The following CSMD3 variants were observed in gnomAD, a reference collection of about 807,000 sequenced individuals.
CSMD3 encodes CUB and Sushi multiple domains 3.
In CSMD3, 177 loss-of-function variants were observed where a neutral mutation model predicts 435.2. That is an observed-to-expected ratio of 0.41 (90% CI 0.36 to 0.46). The LOEUF (loss-of-function observed/expected upper bound fraction) is 0.46. Among genes scored for constraint, CSMD3 ranks in the 20% least tolerant of loss-of-function variants. The pLI is 0.34. For synonymous variants in CSMD3, 1,656 were observed against 1,520.5 expected (o/e 1.09, Z -2.07); for missense variants, 4,265 against 4,504.6 (o/e 0.95, Z 1.52).
At chr8:112,581,854 G>A (rs894450416) in intron 23 of CSMD3, among the ~76,000 whole-genome samples, 1 of 152,024 alleles carries the variant, frequency 6.6e-6, no homozygotes, top group African/African-American at 2.4e-5. Context: ...GAGTTTACCA[G>A]TTTATAGGAG....
chr8:112,883,354 T>G (rs2081500933), intron 10 of CSMD3, among the ~76,000 whole-genome samples: 1 of 152,022 alleles, frequency 6.6e-6, no homozygotes, highest in African/African-American at 2.4e-5. Flanking sequence ...GAAATTAAAA[T>G]AAGTAGGTTA....
intron 13 of CSMD3, among the ~76,000 whole-genome samples, chr8:112,794,285 CTTTTTTTTTTTTT>C (rs1203991072): frequency 1.0e-5 from 1 of 96,302 alleles, no homozygotes; most frequent in Non-Finnish European, 2.0e-5. Context: ...GACTGATAAA[CTTTTTTTTTTTTT>C]TTTTTTTTTT....
chr8:113,015,613 T>C (rs1409859522), intron 6 of CSMD3, among the ~76,000 whole-genome samples: 2 of 151,864 alleles, frequency 1.3e-5, no homozygotes, highest in African/African-American at 2.4e-5. Context: ...GTATTTATGA[T>C]TGCACATTGA....
intron 27 of CSMD3, among the ~76,000 whole-genome samples, chr8:112,523,715 T>C (rs572371979): frequency 3.9e-5 from 6 of 152,186 alleles, no homozygotes; most frequent in African/African-American, 1.4e-4. Flanking sequence ...CTGGAGAATT[T>C]TGCCCTTGAT....
chr8:113,082,885 G>T (rs1436878959), intron 5 of CSMD3, among the ~76,000 whole-genome samples: 1 of 152,048 alleles, frequency 6.6e-6, no homozygotes, highest in East Asian at 1.9e-4. Flanking sequence ...CAAGTCTTTT[G>T]AAATAACACA....
intron 5 of CSMD3, among the ~76,000 whole-genome samples, chr8:113,094,299 G>A (rs1444251859): frequency 6.6e-6 from 1 of 152,118 alleles, no homozygotes; most frequent in East Asian, 1.9e-4. Flanking sequence ...CTGGCATAGA[G>A]CAGCCCCCTA....
Position 112,513,764 on chromosome 8 carries a change from A to G in CSMD3, c.4756+3270T>C, listed in dbSNP as rs189221331. ...ATGAGGTATGCTTATATGTATGTAT[A>G]TATGCAAAAAAGACCAGAATGATAG... is the stretch of plus-strand genomic sequence containing the variant. On this transcript the variant is annotated intron_variant, in intron 28 of 70. Transcript: ENST00000297405. Among the ~76,000 whole-genome samples the G allele has an allele frequency of 3.6e-3, 541 of 152,308 alleles. 1 individual carries two copies. The highest frequency in any genetic ancestry group is 0.012 in the African/African-American group (519 of 41,572).
intron 38 of CSMD3, among the ~76,000 whole-genome samples, chr8:112,361,590 T>C (rs375160021): frequency 0.22 from 21,480 of 97,242 alleles, 2,712 homozygotes; most frequent in East Asian, 0.37. Context: ...TATATATATA[T>C]ATATATATAT....
chr8:112,861,071 G>A (rs564831840), intron 10 of CSMD3, among the ~76,000 whole-genome samples: 3 of 151,762 alleles, frequency 2.0e-5, no homozygotes, highest in East Asian at 1.9e-4. Context: ...CCAGATCCTC[G>A]CCTTGCATAA....
intron 4 of CSMD3, among the ~76,000 whole-genome samples, chr8:113,126,478 A>G (rs555784916): frequency 9.7e-4 from 147 of 152,164 alleles, no homozygotes; most frequent in African/African-American, 3.2e-3. Context: ...TAATATAGTA[A>G]TTGCAAATAA....
intron 49 of CSMD3, among the ~76,000 whole-genome samples, chr8:112,312,684 T>C (rs1241706890): frequency 6.6e-6 from 1 of 152,218 alleles, no homozygotes; most frequent in African/African-American, 2.4e-5. Context: ...TATTCTAATA[T>C]GTAAAATACA....
rs566522508 is a variant in CSMD3 at position 112,538,432 on chromosome 8, T to A, written c.4564+12239A>T. 8.1e-4 allele frequency among the ~76,000 whole-genome samples: 124 copies of A among 152,210 alleles called. 2 individuals are homozygous for A. The South Asian group carries it at 0.012, about 15-fold the overall frequency. On this transcript the variant is annotated intron_variant, in intron 27 of 70. Transcript: ENST00000297405. ...TTGTCCTTGTGTGCAGATGACATGA[T>A]CTTATATTTAGAGAAACCTAAAAGA... is the stretch of plus-strand genomic sequence containing the variant.
At chr8:112,401,302 C>T (rs939811669) in intron 35 of CSMD3, among the ~76,000 whole-genome samples, 1 of 101,184 alleles carries the variant, frequency 9.9e-6, no homozygotes, top group Non-Finnish European at 2.7e-5. Flanking sequence ...TCTTCACTCA[C>T]TTCTCTTCGC....
chr8:112,682,493 T>C lies in CSMD3; in HGVS notation c.2626A>G (p.Ile876Val), dbSNP rs142207761. 146 of 1,613,456 alleles carry C rather than the reference T, an allele frequency of 9.0e-5. No individual in the cohort carries two copies. The African/African-American group carries it at 1.7e-3, about 19-fold the overall frequency. The change falls in exon 16 of 71, where the codon ATT becomes GTT. Residue 876 changes from isoleucine to valine, a missense_variant. Physicochemically the swap from Ile to Val is conservative, Grantham distance 29. This residue lies in a region of CSMD3 where 279 missense variants were observed against 369.0 expected (regional missense o/e 0.76). Transcript: ENST00000297405. ...KTQGTETITC[I>V]LMDGKVMWSG... ...CACATTACTTTTCCATCCATAAGAA[T>C]ACATGTAATTGTTTCTGTTCCCTGG...
At chr8:112,265,138 A>T (rs1816814088) in intron 60 of CSMD3, among the ~76,000 whole-genome samples, 1 of 152,026 alleles carries the variant, frequency 6.6e-6, no homozygotes, top group Non-Finnish European at 1.5e-5. Flanking sequence ...ATAAATAACA[A>T]TGGTGAATAT....
At chr8:113,110,675 A>G (rs968462314) in intron 4 of CSMD3, among the ~76,000 whole-genome samples, 2 of 152,074 alleles carry the variant, frequency 1.3e-5, no homozygotes, top group Non-Finnish European at 2.9e-5. Flanking sequence ...TAATGAATGG[A>G]TATTCACAGT....
chr8:113,116,632 G>T (rs1346019320), intron 4 of CSMD3, among the ~76,000 whole-genome samples: 2 of 152,134 alleles, frequency 1.3e-5, no homozygotes, highest in Non-Finnish European at 1.5e-5. Context: ...GAACCACTTG[G>T]AGGGCTCAGA....
intron 3 of CSMD3, among the ~76,000 whole-genome samples, chr8:113,185,748 CGTGT>C (rs1033966079): frequency 2.0e-5 from 3 of 151,650 alleles, no homozygotes; most frequent in African/African-American, 4.8e-5. Context: ...TGTGTGCATG[CGTGT>C]GTGTGTGCAT....
At position 112,865,514 on chromosome 8, in the gene CSMD3, A is replaced by G. The variant is rs1404845391; in HGVS notation, c.1634-6248T>C. Among the ~76,000 whole-genome samples the G allele has an allele frequency of 2.0e-5, 3 of 152,084 alleles. No individual in the cohort carries two copies. The East Asian group carries it at 5.8e-4, about 29-fold the overall frequency. ...TTGTAAATTCTGTAAAGCTCTTTCC[A>G]CTAACTTACTTGTAATTCCTTAAAC... On this transcript the variant is annotated intron_variant, in intron 10 of 70. Coordinates refer to ENST00000297405, the MANE Select transcript of CSMD3 (RefSeq NM_198123.2).
Sources: allele counts gnomAD v4.1 joint callset (sites outside exome capture counted in the v4.1 genomes callset), GRCh38; gene constraint gnomAD v4.1.1; regional missense constraint gnomAD v4.1.1; transcripts MANE v1.5; gene names NCBI Gene and HGNC (gene_info 2026-07-23, HGNC 2026-07-21).